The following PPP1R12B variants were observed in gnomAD, a reference collection of about 807,000 sequenced individuals.
PPP1R12B encodes myosin phosphatase target subunit 2.
PPP1R12B carries 76 observed loss-of-function variants against 126.1 expected under a neutral mutation model. The ratio of observed to expected loss-of-function variants is 0.60; its 90% CI spans 0.50 to 0.73. The LOEUF (loss-of-function observed/expected upper bound fraction) is 0.73, where lower values mean the gene tolerates loss of function less well. Ranked by LOEUF, PPP1R12B falls within the 30% of genes least tolerant of loss-of-function variation. The pLI is 0.00. For missense variants in PPP1R12B, 1,052 were observed against 1,205.1 expected (o/e 0.87, Z 1.88); for synonymous variants, 356 against 434.7 (o/e 0.82, Z 2.25).
chr1:202,361,784 A>G (rs1030768441), intron 1 of PPP1R12B, among the ~76,000 whole-genome samples: 1 of 152,170 alleles, frequency 6.6e-6, no homozygotes, highest in Non-Finnish European at 1.5e-5. Flanking sequence ...TGGCGGTGCA[A>G]GGAGAAGAAA....
chr1:202,446,129 TAATC>T (rs1672203444), intron 12 of PPP1R12B, among the ~76,000 whole-genome samples: 2 of 150,636 alleles, frequency 1.3e-5, no homozygotes, highest in Non-Finnish European at 3.0e-5. Flanking sequence ...GTCCTTATAA[TAATC>T]CAGTTGCATA....
Position 202,437,522 on chromosome 1 carries a change from G to A in PPP1R12B, c.1255-299G>A, listed in dbSNP as rs573775520. Among the ~76,000 whole-genome samples, 9 of 152,286 alleles carry A rather than the reference G, an allele frequency of 5.9e-5. No individual in the cohort carries two copies. The South Asian group carries it at 1.9e-3, about 32-fold the overall frequency. On this transcript the variant is annotated intron_variant, in intron 9 of 23. Transcript: ENST00000608999. ...TATTACTAGAATACAATCTCCTGGT[G>A]TTCCAGGTCATTATTAATTGCACAG...
chr1:202,451,653 GTCA>G (rs1369935330), intron 13 of PPP1R12B, among the ~76,000 whole-genome samples: 1 of 152,006 alleles, frequency 6.6e-6, no homozygotes, highest in African/African-American at 2.4e-5. Flanking sequence ...AACCGCCATT[GTCA>G]TCATGGCCCG....
chr1:202,395,861 T>C (rs1664907858), intron 1 of PPP1R12B, among the ~76,000 whole-genome samples: 1 of 152,248 alleles, frequency 6.6e-6, no homozygotes, highest in South Asian at 2.1e-4. Flanking sequence ...TTCTCTGTGG[T>C]TACACCTAAG....
chr1:202,389,405 G>A (rs961136478), intron 1 of PPP1R12B, among the ~76,000 whole-genome samples: 1 of 152,184 alleles, frequency 6.6e-6, no homozygotes, highest in Non-Finnish European at 1.5e-5. Context: ...AGCACTTTGG[G>A]AGGCTGAGGC....
At chr1:202,548,770 CTCGCTG>C (rs1174974249) in intron 18 of PPP1R12B, among the ~76,000 whole-genome samples, 1 of 99,504 alleles carries the variant, frequency 1.0e-5, no homozygotes, top group Non-Finnish European at 2.2e-5. Context: ...CGCTCACTCG[CTCGCTG>C]TCTCTCTCTC....
In PPP1R12B at chr1:202,446,254, A is replaced by AT. The variant is rs879273755; in HGVS notation, c.1668-2734dup. Among the ~76,000 whole-genome samples the AT allele has an allele frequency of 7.5e-3, 351 of 47,090 alleles. 3 individuals are homozygous for AT. Among genetic ancestry groups the AT allele is most frequent in the East Asian group, 0.012 (15 of 1,258 alleles). 30.9% of individuals were successfully genotyped at this position (47,090 alleles called of 152,430 possible). On this transcript the variant is annotated intron_variant, in intron 12 of 23. Coordinates refer to ENST00000608999, the MANE Select transcript of PPP1R12B (RefSeq NM_002481.4). The stretch of plus-strand genomic sequence containing the variant: ...TCTCTCTCTATATATATATATATAT[A>AT]TATTTTTTTTTTTTTTTGAGATGGA...
At chr1:202,473,061 G>A (rs1676147497) in intron 13 of PPP1R12B, among the ~76,000 whole-genome samples, 1 of 152,200 alleles carries the variant, frequency 6.6e-6, no homozygotes, top group Admixed American at 6.5e-5. Context: ...TATAGGTCTA[G>A]ATTTAAGAAA....
At chr1:202,574,982 T>G in intron 23 of PPP1R12B, 1 of 1,586,518 alleles carries the variant, frequency 6.3e-7, no homozygotes, top group Non-Finnish European at 8.7e-7. Context: ...TCTGTCCTTT[T>G]CATGTCTCAA....
intron 18 of PPP1R12B, among the ~76,000 whole-genome samples, chr1:202,547,444 A>G (rs1685765799): frequency 1.3e-5 from 2 of 152,228 alleles, no homozygotes; most frequent in Non-Finnish European, 2.9e-5. Flanking sequence ...CAGCATGGAA[A>G]GAGTTCTACC....
Position 202,467,889 on chromosome 1 carries a change from T to A in PPP1R12B, c.1850+18718T>A, listed in dbSNP as rs1006229891. Among the ~76,000 whole-genome samples, 37 of 152,172 alleles carry A rather than the reference T, an allele frequency of 2.4e-4. 1 individual carries two copies. The highest frequency in any genetic ancestry group is 4.1e-4 in the South Asian group (2 of 4,824). ...TCCACATCCTCTCCAGCACCTGTTG[T>A]TTCCTGACTTTTTAATGATTGCCAT... On this transcript the variant is annotated intron_variant, in intron 13 of 23. Transcript: ENST00000608999.
chr1:202,402,215 T>C (rs902984981), intron 1 of PPP1R12B, among the ~76,000 whole-genome samples: 1 of 152,236 alleles, frequency 6.6e-6, no homozygotes, highest in Non-Finnish European at 1.5e-5. Context: ...GGTTTCTACC[T>C]TTTTGCTATT....
In PPP1R12B at chr1:202,439,613, C is replaced by T. The variant is rs1671346926; in HGVS notation, c.1459-1093C>T. The stretch of plus-strand genomic sequence containing the variant: ...CCCCTCTGTACACCATGGACCCTGC[C>T]CTGTGCTCCATAACTCCCCCAGGCT... On this transcript the variant is annotated intron_variant, in intron 10 of 23. Transcript: ENST00000608999. 6 of 985,998 alleles carry T rather than the reference C, an allele frequency of 6.1e-6. No homozygotes were observed. The South Asian group carries it at 8.3e-5, about 14-fold the overall frequency. The allele number at this position is 985,998 out of a possible 1,614,324, so 61.1% of individuals were successfully genotyped here.
chr1:202,539,479 G>C (rs530957343), intron 18 of PPP1R12B, among the ~76,000 whole-genome samples: 1 of 152,160 alleles, frequency 6.6e-6, no homozygotes, highest in Non-Finnish European at 1.5e-5. Context: ...AAGCAGCTTC[G>C]TCTGGGAGGA....
chr1:202,513,105 C>T (rs1681725002), intron 18 of PPP1R12B, among the ~76,000 whole-genome samples: 1 of 152,154 alleles, frequency 6.6e-6, no homozygotes, highest in Non-Finnish European at 1.5e-5. Context: ...TCCCAAGTAG[C>T]TGGGATTATA....
At chr1:202,461,223 C>T (rs1356518456) in intron 13 of PPP1R12B, among the ~76,000 whole-genome samples, 7 of 150,934 alleles carry the variant, frequency 4.6e-5, no homozygotes, top group East Asian at 1.9e-4. Flanking sequence ...TAGTCCAGTT[C>T]GGCCTTTTAT....
chr1:202,439,366 T>A, intron 10 of PPP1R12B: 1 of 1,311,604 alleles, frequency 7.6e-7, no homozygotes, highest in Non-Finnish European at 1.1e-6. Flanking sequence ...CACGCAGAAC[T>A]CTTGAAGCTG....
chr1:202,393,685 T>A (rs1318410689), intron 1 of PPP1R12B, among the ~76,000 whole-genome samples: 2 of 152,176 alleles, frequency 1.3e-5, no homozygotes, highest in African/African-American at 4.8e-5. Flanking sequence ...AGTAAAAAAT[T>A]AAGGAAAAAC....
At chr1:202,525,896 G>A (rs765240635) in intron 18 of PPP1R12B, among the ~76,000 whole-genome samples, 1 of 152,118 alleles carries the variant, frequency 6.6e-6, no homozygotes, top group Non-Finnish European at 1.5e-5. Context: ...ACGGGCTTTC[G>A]CCATGTTGAC....
Sources: allele counts gnomAD v4.1 joint callset (sites outside exome capture counted in the v4.1 genomes callset), GRCh38; gene constraint gnomAD v4.1.1; transcripts MANE v1.5; gene names NCBI Gene and HGNC (gene_info 2026-07-23, HGNC 2026-07-21).